DYM: variants seen among roughly 807,000 people sequenced by gnomAD.
The protein encoded by DYM is dyggve-Melchior-Clausen syndrome protein.
In DYM, 78 loss-of-function variants were observed where a neutral mutation model predicts 93.1. That is an observed-to-expected ratio of 0.84 (90% CI 0.70 to 1.01). The LOEUF (loss-of-function observed/expected upper bound fraction) is 1.01. Ranked by LOEUF, DYM falls within the 50% of genes least tolerant of loss-of-function variation. The pLI, the probability that DYM is intolerant of heterozygous loss-of-function variation, is 0.00. For missense variants in DYM, 789 were observed against 845.0 expected (o/e 0.93, Z 0.82); for synonymous variants, 321 against 319.7 (o/e 1.00, Z -0.04).
chr18:49,404,403 T>C (rs921869783), intron 2 of DYM, among the ~76,000 whole-genome samples: 8 of 152,222 alleles, frequency 5.3e-5, no homozygotes, highest in Non-Finnish European at 1.5e-5. Context: ...GTCTTTTTGG[T>C]AGAATTATTT....
intron 13 of DYM, among the ~76,000 whole-genome samples, chr18:49,234,953 G>A (rs2093816577): frequency 6.6e-6 from 1 of 152,148 alleles, no homozygotes; most frequent in African/African-American, 2.4e-5. Flanking sequence ...CAGCCCTCAG[G>A]AAGGCAAGGG....
intron 16 of DYM, among the ~76,000 whole-genome samples, chr18:49,104,548 T>A (rs1599771638): frequency 1.3e-5 from 2 of 152,210 alleles, no homozygotes; most frequent in African/African-American, 4.8e-5. Context: ...TGGCTGTGGG[T>A]CTTTCATAGA....
intron 6 of DYM, among the ~76,000 whole-genome samples, chr18:49,334,693 GAAA>G (rs2063540640): frequency 6.6e-6 from 1 of 152,024 alleles, no homozygotes; most frequent in African/African-American, 2.4e-5. Flanking sequence ...GAAAAACAAA[GAAA>G]AATACTTAAC....
intron 2 of DYM, among the ~76,000 whole-genome samples, chr18:49,394,522 T>A (rs1445278575): frequency 6.6e-6 from 1 of 152,190 alleles, no homozygotes; most frequent in Non-Finnish European, 1.5e-5. Flanking sequence ...GGGTCTTCTG[T>A]GTTGCCATAG....
chr18:49,153,364 C>T (rs533626564), intron 15 of DYM, among the ~76,000 whole-genome samples: 1 of 152,272 alleles, frequency 6.6e-6, no homozygotes, highest in South Asian at 2.1e-4. Context: ...GGGATGTTCA[C>T]CAATTTTATT....
intron 8 of DYM, among the ~76,000 whole-genome samples, chr18:49,317,607 CCCT>C (rs1568236526): frequency 9.8e-5 from 1 of 10,192 alleles, no homozygotes; most frequent in Non-Finnish European, 2.2e-4. Context: ...CCCCCCTCCC[CCCT>C]CCCTCCCTCC....
At chr18:49,220,794 TA>T (rs1243813041) in intron 13 of DYM, among the ~76,000 whole-genome samples, 2 of 152,266 alleles carry the variant, frequency 1.3e-5, no homozygotes, top group Non-Finnish European at 1.5e-5. Flanking sequence ...CCTAAAACCA[TA>T]AAAACCCTAG....
chr18:49,311,159 C>T (rs1206131461), intron 8 of DYM, among the ~76,000 whole-genome samples: 1 of 152,074 alleles, frequency 6.6e-6, no homozygotes, highest in African/African-American at 2.4e-5. Context: ...AGGACCGAAG[C>T]CACAGAGGCA....
At chr18:49,219,506 A>G (rs1245676237) in intron 13 of DYM, among the ~76,000 whole-genome samples, 1 of 152,106 alleles carries the variant, frequency 6.6e-6, no homozygotes, top group Non-Finnish European at 1.5e-5. Flanking sequence ...AAAAATCCTC[A>G]ATAAAATACT....
intron 13 of DYM, among the ~76,000 whole-genome samples, chr18:49,219,989 G>C (rs1159963927): frequency 6.6e-6 from 1 of 150,768 alleles, no homozygotes. Flanking sequence ...TGACATGATT[G>C]TATATCTAGA....
chr18:49,095,464 T>C (rs1213356427), intron 17 of DYM, among the ~76,000 whole-genome samples: 2 of 152,094 alleles, frequency 1.3e-5, no homozygotes, highest in African/African-American at 4.8e-5. Context: ...TTTTTTTGTT[T>C]TGTTTTTAAA....
At chr18:49,235,897 C>T in intron 13 of DYM, among the ~76,000 whole-genome samples, 1 of 152,184 alleles carries the variant, frequency 6.6e-6, no homozygotes, top group East Asian at 1.9e-4. Context: ...TTCTTTTCCT[C>T]TTCATAAGGA....
intron 13 of DYM, among the ~76,000 whole-genome samples, chr18:49,227,346 A>G (rs555652285): frequency 6.6e-6 from 1 of 152,312 alleles, no homozygotes; most frequent in South Asian, 2.1e-4. Context: ...GAGAGTGATT[A>G]AATATTTATG....
Position 49,380,215 on chromosome 18 carries a change from A to G in DYM, c.194-457T>C, listed in dbSNP as rs190325570. Among the ~76,000 whole-genome samples, 200 of 152,320 alleles carry G rather than the reference A, an allele frequency of 1.3e-3. 1 individual carries two copies. Among genetic ancestry groups the G allele is most frequent in the African/African-American group, 4.5e-3 (186 of 41,584 alleles). ...AATGAAAAATTAAGAAAACATATCA[A>G]CAAAGCAGTGTGGCTAGAAGGGGAG... is the stretch of plus-strand genomic sequence containing the variant. On this transcript the variant is annotated intron_variant, in intron 3 of 17. Transcript: ENST00000675505.
chr18:49,187,537 A>G (rs951824251), intron 14 of DYM, among the ~76,000 whole-genome samples: 2 of 152,246 alleles, frequency 1.3e-5, no homozygotes, highest in African/African-American at 4.8e-5. Context: ...GGTAACACTG[A>G]TTTTTGAACA....
At chr18:49,386,930 C>A (rs1465449950) in intron 3 of DYM, among the ~76,000 whole-genome samples, 2 of 150,294 alleles carry the variant, frequency 1.3e-5, no homozygotes, top group African/African-American at 2.4e-5. Context: ...TGCAAAATTT[C>A]TTCGTATTTA....
intron 10 of DYM, among the ~76,000 whole-genome samples, chr18:49,273,568 CT>C (rs1417865904): frequency 6.6e-6 from 1 of 152,082 alleles, no homozygotes; most frequent in Non-Finnish European, 1.5e-5. Context: ...TGTACCCTTT[CT>C]ATGTTTAGAT....
intron 13 of DYM, among the ~76,000 whole-genome samples, chr18:49,230,867 T>A (rs920448750): frequency 6.6e-6 from 1 of 152,086 alleles, no homozygotes; most frequent in Non-Finnish European, 1.5e-5. Context: ...TACAGAACCA[T>A]GCAGAAAAAC....
At chr18:49,050,657 G>GT (rs1306428888) in intron 17 of DYM, among the ~76,000 whole-genome samples, 2 of 152,028 alleles carry the variant, frequency 1.3e-5, no homozygotes, top group African/African-American at 2.4e-5. Flanking sequence ...AGGAAGCTCA[G>GT]TGGAAATGAC....
Sources: gnomAD v4.1 joint callset for allele counts (sites outside exome capture counted in the v4.1 genomes callset) on GRCh38, gnomAD v4.1.1 for gene constraint, MANE v1.5 for transcripts, NCBI Gene and HGNC (gene_info 2026-07-23, HGNC 2026-07-21) for gene names.